Variants in BTBD2 observed in about 807,000 individuals in gnomAD.
BTBD2 encodes BTB domain containing 2.
BTBD2 carries 15 observed loss-of-function variants against 44.0 expected under a neutral mutation model. That is an observed-to-expected ratio of 0.34 (90% CI 0.23 to 0.53). The LOEUF (loss-of-function observed/expected upper bound fraction) is 0.53. Among genes scored for constraint, BTBD2 ranks in the 20% least tolerant of loss-of-function variants. The pLI is 0.95. For missense variants in BTBD2, 657 were observed against 746.4 expected (o/e 0.88, Z 1.39); for synonymous variants, 443 against 335.9 (o/e 1.32, Z -3.49).
chr19:2,011,081 C>A (rs953993857), intron 1 of BTBD2, among the ~76,000 whole-genome samples: 30 of 152,096 alleles, frequency 2.0e-4, no homozygotes, highest in Non-Finnish European at 2.6e-4. Flanking sequence ...GCACTTGGGA[C>A]ACACTGCTCT....
intron 3 of BTBD2, 105 bp downstream of exon 3, chr19:1,992,915 G>GC: frequency 7.5e-6 from 8 of 1,061,708 alleles, no homozygotes; most frequent in African/African-American, 1.7e-5. Flanking sequence ...TGCCTCCCGG[G>GC]CCCGCCCCCG....
At chr19:1,993,381 G>A (rs571658305) in intron 2 of BTBD2, among the ~76,000 whole-genome samples, 1 of 152,328 alleles carries the variant, frequency 6.6e-6, no homozygotes, top group South Asian at 2.1e-4. Context: ...ACTTGGCAAG[G>A]TGGTCACCCA....
At chr19:1,989,727 C>A in intron 5 of BTBD2, 1 of 495,190 alleles carries the variant, frequency 2.0e-6, no homozygotes, top group Non-Finnish European at 3.7e-6. Flanking sequence ...GGGCGCGAGA[C>A]GGGGACTCCC....
At position 1,986,420 on chromosome 19, in the gene BTBD2, A is replaced by G; in HGVS notation, c.*68T>C. 1 of 1,588,928 alleles carries G rather than the reference A, an allele frequency of 6.3e-7. No homozygotes were observed. Among genetic ancestry groups the G allele is most frequent in the Non-Finnish European group, 8.6e-7 (1 of 1,162,886 alleles). The stretch of plus-strand genomic sequence containing the variant: ...TGGCACCGCGTGGTGGGGGGGCCCC[A>G]GCAGCAGATGATGGCCTGGGGCTGC... On this transcript the variant is annotated 3_prime_UTR_variant, in exon 9 of 9. Transcript: ENST00000255608.
chr19:2,015,317 C>T lies in BTBD2; in HGVS notation c.387G>A (p.Ser129=). Residue 129 remains serine, a synonymous_variant, in exon 1 of 9, where the codon TCG becomes TCA. Coordinates refer to ENST00000255608, the MANE Select transcript of BTBD2 (RefSeq NM_017797.4). The part of the protein sequence containing the change: ...VHFLVGKGLS[S]QRIPAHRFVL... ...CCCACCTGTGCGCGGGGATGCGCTG[C>T]GAGCTGAGCCCCTTGCCCACCAGGA... 2 of 1,570,346 alleles carry T rather than the reference C, an allele frequency of 1.3e-6. No homozygotes were observed. Among genetic ancestry groups the T allele is most frequent in the Non-Finnish European group, 1.7e-6 (2 of 1,165,722 alleles).
At chr19:2,014,834 C>T (rs2016512028) in intron 1 of BTBD2, among the ~76,000 whole-genome samples, 1 of 139,136 alleles carries the variant, frequency 7.2e-6, no homozygotes, top group Non-Finnish European at 1.5e-5. Flanking sequence ...CCTGGGATCC[C>T]GGGGAACAGG....
chr19:1,987,395 C>T (rs2016104488), intron 6 of BTBD2, 105 bp downstream of exon 6: 3 of 1,261,578 alleles, frequency 2.4e-6, no homozygotes, highest in Non-Finnish European at 2.1e-6. Flanking sequence ...CCGCCGTCTT[C>T]ATCATCCCTG....
At chr19:1,987,321 C>A (rs1363732339) in intron 6 of BTBD2, 68 bp from the exon 7 acceptor site, 48 of 1,566,554 alleles carry the variant, frequency 3.1e-5, no homozygotes, top group Non-Finnish European at 3.9e-5. Context: ...TGGGGCGAGC[C>A]CACCCCCATG....
chr19:1,998,100 C>CACACA (rs1187664892), intron 1 of BTBD2, among the ~76,000 whole-genome samples: 2 of 152,192 alleles, frequency 1.3e-5, no homozygotes, highest in African/African-American at 4.8e-5. Flanking sequence ...CATTCACACA[C>CACACA]ACACACATTC....
chr19:1,987,013 G>A lies in BTBD2; in HGVS notation c.1270-37C>T, dbSNP rs746913630. ...TGGGAAGTGGGAGGCTCAGGCCTGG[G>A]GAGGGCCAACGGGGACCCCTCGAGG... On this transcript the variant is annotated intron_variant, in intron 7 of 8. Transcript: ENST00000255608. 30 of 1,601,952 alleles carry A rather than the reference G, an allele frequency of 1.9e-5. No homozygotes were observed. In the Admixed American group the frequency reaches 3.4e-4, roughly 18 times the overall value.
rs938558480 is a variant in BTBD2, at chr19:2,015,675, G to T, written c.29C>A (p.Ala10Glu). ...GACCCCGACCCCCGGCGGGCACGAC[G>T]CACGCCCGCCGCTCCCACCCGCCGC... is the stretch of plus-strand genomic sequence containing the variant. The part of the protein sequence containing the change: MAAGGSGGR[A>E]SCPPGVGVGP... The change falls in exon 1 of 9, where the codon GCG becomes GAG. Residue 10 changes from alanine (A) to glutamate (E), a missense_variant. Transcript: ENST00000255608. 302 of 989,156 alleles carry T rather than the reference G, an allele frequency of 3.1e-4. 1 individual carries two copies. The highest frequency in any genetic ancestry group is 3.5e-4 in the Non-Finnish European group (292 of 836,806). The allele number at this position is 989,156 out of a possible 1,614,324, so 61.3% of individuals were successfully genotyped here.
Position 1,986,616 on chromosome 19 carries a change from G to C in BTBD2, c.1450C>G (p.Arg484Gly). The change falls in exon 9 of 9, where the codon CGC (arginine) becomes GGC (glycine). Residue 484 changes from arginine to glycine, a missense_variant. Arg to Gly is a moderately radical substitution (Grantham distance 125). This residue lies in a region of BTBD2 where 449 missense variants were observed against 510.9 expected (regional missense o/e 0.88). Transcript: ENST00000255608. ...PDSHYGTKGL[R>G]KVTHESPTTG... Reference sequence around the variant, plus strand: ...GTGGGCGACTCGTGTGTCACCTTGCGCAGGCCTTTGGTGCCGTAGTGGGAG... The same window carrying C: ...GTGGGCGACTCGTGTGTCACCTTGCCCAGGCCTTTGGTGCCGTAGTGGGAG... The C allele has an allele frequency of 6.2e-7, 1 of 1,613,918 alleles. No individual in the cohort carries two copies. The highest frequency in any genetic ancestry group is 8.5e-7 in the Non-Finnish European group (1 of 1,179,882).
intron 5 of BTBD2, chr19:1,989,576 C>T: frequency 3.8e-6 from 1 of 265,326 alleles, no homozygotes; most frequent in Non-Finnish European, 7.5e-6. Context: ...GTTAGCGCTG[C>T]CCCTTCACGT....
chr19:1,991,725 C>G (rs930060618), intron 3 of BTBD2, among the ~76,000 whole-genome samples: 1 of 152,180 alleles, frequency 6.6e-6, no homozygotes. Context: ...CACCCCCGAC[C>G]AGGAGCTCAC....
At chr19:1,987,828 G>A (rs918930564) in intron 5 of BTBD2, 136 bp from the exon 6 acceptor site, 15 of 877,250 alleles carry the variant, frequency 1.7e-5, no homozygotes, top group African/African-American at 3.4e-5. Flanking sequence ...CCCCTCCCCG[G>A]GGGACTAGCC....
At chr19:1,993,995 CAAAAAAAAAAAA>C (rs542137742) in intron 2 of BTBD2, among the ~76,000 whole-genome samples, 51 of 24,958 alleles carry the variant, frequency 2.0e-3, no homozygotes, top group Non-Finnish European at 3.0e-3. Flanking sequence ...GAATCCGTCT[CAAAAAAAAAAAA>C]AAAAAAAAAA....
chr19:1,986,694 G>A (rs1422569540), intron 8 of BTBD2, 45 bp from the exon 9 acceptor site: 6 of 1,603,430 alleles, frequency 3.7e-6, no homozygotes, highest in Non-Finnish European at 5.1e-6. Context: ...CACCAGGCTG[G>A]GATGCCCCAG....
At chr19:1,993,353 C>T (rs745881216) in intron 2 of BTBD2, among the ~76,000 whole-genome samples, 177 bp from the exon 3 acceptor site, 71 of 152,196 alleles carry the variant, frequency 4.7e-4, no homozygotes, top group Non-Finnish European at 9.0e-4. Flanking sequence ...GTCCGTTGCC[C>T]TCTGACATAG....
chr19:1,986,345 GC>G lies in BTBD2; in HGVS notation c.*142del. ...GAACACAGGGCAACCCCGTCCTGAT[GC>G]TGAGAAAGGTGGCATGGAGTGGACA... On this transcript the variant is annotated 3_prime_UTR_variant, in exon 9 of 9. Transcript: ENST00000255608. 1 of 1,064,864 alleles carries G rather than the reference GC, an allele frequency of 9.4e-7. No homozygotes were observed. The highest frequency in any genetic ancestry group is 1.4e-6 in the Non-Finnish European group (1 of 724,066). The allele number at this position is 1,064,864 out of a possible 1,614,324, so 66.0% of individuals were successfully genotyped here. A position where few individuals can be genotyped will look rare whatever the true frequency, so the allele number is the denominator to read the frequency against.
Sources: allele counts gnomAD v4.1 joint callset (sites outside exome capture counted in the v4.1 genomes callset), GRCh38; gene constraint gnomAD v4.1.1; regional missense constraint gnomAD v4.1.1; transcripts MANE v1.5; gene names NCBI Gene and HGNC (gene_info 2026-07-23, HGNC 2026-07-21).